The following CDH13 variants were observed in gnomAD, a reference collection of about 807,000 sequenced individuals.
CDH13 encodes the protein cadherin 13.
Under a neutral mutation model 63.8 loss-of-function variants are expected in CDH13, and 24 were observed. That is an observed-to-expected ratio of 0.38 (90% CI 0.27 to 0.53). The LOEUF (loss-of-function observed/expected upper bound fraction) is 0.53. Ranked by LOEUF, CDH13 falls within the 20% of genes least tolerant of loss-of-function variation. The pLI, the probability that CDH13 is intolerant of heterozygous loss-of-function variation, is 0.85. For missense variants in CDH13, 1,049 were observed against 903.1 expected, an observed-to-expected ratio of 1.16 and a Z score of -2.07; for synonymous variants, 503 against 355.3, an observed-to-expected ratio of 1.42 and a Z score of -4.67.
At position 83,567,412 on chromosome 16, in the gene CDH13, A is replaced by C. The variant is rs74961253; in HGVS notation, c.961-35042A>C. On this transcript the variant is annotated intron_variant, in intron 7 of 13. Coordinates refer to ENST00000567109, the MANE Select transcript of CDH13 (RefSeq NM_001257.5). ...TACCTGTAAAATTGCAAATATCTGC[A>C]TGTACGAGTTGCAGGCAGGGAAACT... 5.4e-3 allele frequency among the ~76,000 whole-genome samples: 822 copies of C among 152,328 alleles called. 10 individuals are homozygous for C. Among genetic ancestry groups the C allele is most frequent in the African/African-American group, 0.019 (784 of 41,570 alleles).
intron 3 of CDH13, among the ~76,000 whole-genome samples, chr16:83,091,741 C>T (rs1262816397): frequency 6.6e-6 from 1 of 152,056 alleles, no homozygotes; most frequent in East Asian, 1.9e-4. Context: ...GCTTTTTTGT[C>T]TGTTTTGTTC....
At position 82,796,052 on chromosome 16, in the gene CDH13, C is replaced by G. The variant is rs946697475; in HGVS notation, c.46-62310C>G. Among the ~76,000 whole-genome samples the G allele has an allele frequency of 2.0e-5, 3 of 151,858 alleles. No homozygotes were observed. In the South Asian group the frequency reaches 6.2e-4, roughly 32 times the overall value. On this transcript the variant is annotated intron_variant, in intron 1 of 13. Transcript: ENST00000567109. The stretch of plus-strand genomic sequence containing the variant: ...ACTAATGGACCCAACAGATGAGTCC[C>G]TTGCCCTATTGGCACTTACTGGTTC...
chr16:83,004,943 T>C (rs529839693), intron 2 of CDH13, among the ~76,000 whole-genome samples: 1 of 152,270 alleles, frequency 6.6e-6, no homozygotes, highest in East Asian at 1.9e-4. Flanking sequence ...TCCTGCACCA[T>C]AGCCAGGCTG....
chr16:83,035,824 T>G (rs952472503), intron 3 of CDH13, among the ~76,000 whole-genome samples: 10 of 152,230 alleles, frequency 6.6e-5, no homozygotes, highest in Admixed American at 5.9e-4. Flanking sequence ...ATAGACTTGT[T>G]TGGATCTTCC....
At chr16:83,266,704 T>A (rs1300985749) in intron 5 of CDH13, among the ~76,000 whole-genome samples, 1 of 152,226 alleles carries the variant, frequency 6.6e-6, no homozygotes, top group Non-Finnish European at 1.5e-5. Context: ...CCGATATGGA[T>A]GTTAAGGTTC....
intron 2 of CDH13, among the ~76,000 whole-genome samples, chr16:82,860,643 TA>T (rs71868410): frequency 0.72 from 108,438 of 149,738 alleles, 39,273 homozygotes; most frequent in East Asian, 0.87. Flanking sequence ...ATTACTAAGG[TA>T]AAAAAAAAAA....
rs377500858 is a variant in CDH13, at chr16:83,798,506, A to C, written c.*3476A>C. The C allele has an allele frequency of 1.4e-4, 22 of 152,264 alleles. No individual in the cohort carries two copies. Among genetic ancestry groups the C allele is most frequent in the African/African-American group, 5.1e-4 (21 of 41,468 alleles). 9.4% of individuals were successfully genotyped at this position (152,264 alleles called of 1,614,324 possible). On this transcript the variant is annotated 3_prime_UTR_variant, in exon 14 of 14. Coordinates refer to ENST00000567109, the MANE Select transcript of CDH13 (RefSeq NM_001257.5). ...AGTAACATATGAGACAAGCACTACTATCTTCTCCAACTCACAGATAAAGAA... is the reference window on the plus strand; with the variant it reads ...AGTAACATATGAGACAAGCACTACTCTCTTCTCCAACTCACAGATAAAGAA...
At chr16:83,306,834 A>G (rs1432268351) in intron 5 of CDH13, among the ~76,000 whole-genome samples, 1 of 152,188 alleles carries the variant, frequency 6.6e-6, no homozygotes, top group Non-Finnish European at 1.5e-5. Context: ...GAAATTGGAA[A>G]TTAGACTCTT....
chr16:83,069,926 A>G (rs1453493218), intron 3 of CDH13, among the ~76,000 whole-genome samples: 1 of 152,246 alleles, frequency 6.6e-6, no homozygotes, highest in East Asian at 1.9e-4. Flanking sequence ...ATCGGCAATC[A>G]GTGTAGTTGA....
At chr16:83,374,412 C>G (rs984979220) in intron 6 of CDH13, among the ~76,000 whole-genome samples, 16 of 152,134 alleles carry the variant, frequency 1.1e-4, no homozygotes, top group Non-Finnish European at 2.1e-4. Context: ...TTCATGCATG[C>G]CTTTAAAGAG....
chr16:83,249,894 C>G (rs1597594024), intron 5 of CDH13, among the ~76,000 whole-genome samples: 1 of 152,300 alleles, frequency 6.6e-6, no homozygotes, highest in East Asian at 1.9e-4. Flanking sequence ...TCATGATGGT[C>G]CTCATGTGTT....
chr16:83,633,510 C>G (rs115516716), intron 8 of CDH13, among the ~76,000 whole-genome samples: 57 of 152,310 alleles, frequency 3.7e-4, no homozygotes, highest in African/African-American at 1.3e-3. Context: ...TTAGCCAGGT[C>G]TGAAAGGAGT....
rs75585036 is a variant in CDH13 at position 83,248,795 on chromosome 16, C to G, written c.636+31298C>G. Reference sequence around the variant, plus strand: ...ACCACACCCGTAGCTTCACCCATCACTTTCTGCAGGAAATTGCCTGTCTAC... The same window carrying G: ...ACCACACCCGTAGCTTCACCCATCAGTTTCTGCAGGAAATTGCCTGTCTAC... On this transcript the variant is annotated intron_variant, in intron 5 of 13. Transcript: ENST00000567109. Among the ~76,000 whole-genome samples, 3 of 152,202 alleles carry G rather than the reference C, an allele frequency of 2.0e-5. No homozygotes were observed. In the South Asian group the frequency reaches 6.2e-4, roughly 32 times the overall value.
chr16:83,749,188 C>T (rs1304720832), intron 11 of CDH13, among the ~76,000 whole-genome samples: 1 of 152,112 alleles, frequency 6.6e-6, no homozygotes, highest in Non-Finnish European at 1.5e-5. Flanking sequence ...TGAGTCCTTC[C>T]ATATCAAGAT....
chr16:83,252,823 C>G (rs973416577), intron 5 of CDH13, among the ~76,000 whole-genome samples: 1 of 151,994 alleles, frequency 6.6e-6, no homozygotes, highest in East Asian at 1.9e-4. Context: ...ATTTCCTAGC[C>G]CCAAAAATCC....
chr16:83,480,134 A>C (rs933147337), intron 6 of CDH13, among the ~76,000 whole-genome samples: 1 of 152,168 alleles, frequency 6.6e-6, no homozygotes, highest in African/African-American at 2.4e-5. Context: ...AGACCAGCCC[A>C]GGCAACATGA....
chr16:83,215,132 A>G (rs912764690), intron 4 of CDH13, among the ~76,000 whole-genome samples: 3 of 113,538 alleles, frequency 2.6e-5, no homozygotes, highest in African/African-American at 6.8e-5. Flanking sequence ...GCTAGAGTGC[A>G]GTGGAGCAAT....
chr16:83,215,277 C>T (rs2039463967), intron 4 of CDH13, among the ~76,000 whole-genome samples: 1 of 151,654 alleles, frequency 6.6e-6, no homozygotes, highest in African/African-American at 2.4e-5. Flanking sequence ...CGGAGTTTCA[C>T]CATGTTGGCC....
At chr16:83,423,876 T>C (rs993585668) in intron 6 of CDH13, among the ~76,000 whole-genome samples, 21 of 152,220 alleles carry the variant, frequency 1.4e-4, no homozygotes, top group African/African-American at 4.8e-4. Context: ...TCTTACTTTC[T>C]ACCCCCATTT....
Sources: gnomAD v4.1 joint callset for allele counts (sites outside exome capture counted in the v4.1 genomes callset) on GRCh38, gnomAD v4.1.1 for gene constraint, MANE v1.5 for transcripts, NCBI Gene and HGNC (gene_info 2026-07-23, HGNC 2026-07-21) for gene names.